The following C2CD3 variants were observed in gnomAD, a reference collection of about 807,000 sequenced individuals.
C2CD3 encodes the protein C2 domain-containing protein 3.
A neutral mutation model predicts 234.0 loss-of-function variants in C2CD3; 148 were observed. That is an observed-to-expected ratio of 0.63 (90% CI 0.55 to 0.72). The LOEUF is 0.72. C2CD3 is among the 30% of genes least tolerant of loss of function. The pLI, the probability that C2CD3 is intolerant of heterozygous loss-of-function variation, is 0.00. For synonymous variants in C2CD3, 1,000 were observed against 1,035.4 expected, an observed-to-expected ratio of 0.97 and a Z score of 0.66; for missense variants, 2,577 against 2,811.5, an observed-to-expected ratio of 0.92 and a Z score of 1.89.
At chr11:74,049,222 A>AC in intron 27 of C2CD3, 115 bp downstream of exon 27, 1 of 821,128 alleles carries the variant, frequency 1.2e-6, no homozygotes, top group Non-Finnish European at 2.0e-6. Context: ...TTGTTATGAG[A>AC]CACATATAGT....
At chr11:74,030,307 G>A (rs564609823) in intron 31 of C2CD3, among the ~76,000 whole-genome samples, 3 of 152,230 alleles carry the variant, frequency 2.0e-5, no homozygotes, top group Admixed American at 6.5e-5. Context: ...ATGGTGCCTC[G>A]ATAAATGTCA....
intron 30 of C2CD3, 127 bp downstream of exon 30, chr11:74,037,351 A>AT: frequency 1.5e-5 from 11 of 719,248 alleles, no homozygotes; most frequent in East Asian, 2.5e-5. Flanking sequence ...AAAAAAAAAA[A>AT]GGAAGAGGGT....
chr11:74,159,506 G>T (rs1168828412), intron 3 of C2CD3, among the ~76,000 whole-genome samples: 1 of 151,920 alleles, frequency 6.6e-6, no homozygotes, highest in Admixed American at 6.6e-5. Context: ...AGGCTAATGT[G>T]TGTGTTTGTG....
In C2CD3 at chr11:74,093,985, G is replaced by A. The variant is rs777014621; in HGVS notation, c.3175C>T (p.Pro1059Ser). ...EFLENGITLK[P>S]FRTATTLCVP... ...CAGAGTGTGGTTGCAGTTCTGAAGG[G>A]CTTCAGAGTAATTCCTTTGGAAAAG... is the stretch of plus-strand genomic sequence containing the variant. The change falls in exon 18 of 33, where the codon CCC (proline) becomes TCC (serine). Residue 1059 changes from proline (P) to serine (S), a missense_variant. Coordinates refer to ENST00000334126, the MANE Select transcript of C2CD3 (RefSeq NM_001286577.2). 7.4e-6 allele frequency: 12 copies of A among 1,611,924 alleles called. No individual in the cohort carries two copies. In the South Asian group the frequency reaches 1.1e-4, roughly 15 times the overall value.
At chr11:74,162,218 A>G (rs946742495) in intron 2 of C2CD3, among the ~76,000 whole-genome samples, 1 of 152,244 alleles carries the variant, frequency 6.6e-6, no homozygotes, top group African/African-American at 2.4e-5. Flanking sequence ...AAAATAAAGT[A>G]ATAAAAAGAA....
At chr11:74,080,397 T>TA (rs1184989223) in intron 22 of C2CD3, among the ~76,000 whole-genome samples, 1 of 152,168 alleles carries the variant, frequency 6.6e-6, no homozygotes, top group Non-Finnish European at 1.5e-5. Flanking sequence ...GCTTTGGCTC[T>TA]AAGATTATGT....
intron 31 of C2CD3, among the ~76,000 whole-genome samples, chr11:74,031,338 C>T (rs1236509722): frequency 1.3e-5 from 2 of 152,236 alleles, no homozygotes; most frequent in Non-Finnish European, 2.9e-5. Context: ...CCTCACCTCG[C>T]ACCATCCCCT....
rs114514763 is a variant in C2CD3, at chr11:74,035,859, C to G, written c.5882-1581G>C. ...AACATTAGGCCCCACAGCTTCAATT[C>G]TTTTTTTTTTGTTTGTTTTGAGTCA... On this transcript the variant is annotated intron_variant, in intron 30 of 32. Coordinates refer to ENST00000334126, the MANE Select transcript of C2CD3 (RefSeq NM_001286577.2). Among the ~76,000 whole-genome samples, 1,171 of 148,802 alleles carry G rather than the reference C, an allele frequency of 7.9e-3. 8 individuals are homozygous for G. The highest frequency in any genetic ancestry group is 0.026 in the African/African-American group (1,077 of 40,734).
intron 3 of C2CD3, among the ~76,000 whole-genome samples, chr11:74,151,192 G>A (rs968885259): frequency 1.3e-5 from 2 of 151,640 alleles, no homozygotes; most frequent in African/African-American, 4.8e-5. Context: ...CCAAAGTGCT[G>A]GGATTACAGG....
intron 2 of C2CD3, among the ~76,000 whole-genome samples, chr11:74,166,111 C>T (rs1264990013): frequency 6.6e-6 from 1 of 152,048 alleles, no homozygotes; most frequent in Non-Finnish European, 1.5e-5. Context: ...GAGATTGAGA[C>T]CATCCTGGCT....
At chr11:74,017,390 T>C (rs186031653) in intron 32 of C2CD3, among the ~76,000 whole-genome samples, 34 of 152,332 alleles carry the variant, frequency 2.2e-4, no homozygotes, top group Non-Finnish European at 4.1e-4. Flanking sequence ...CCTGTTCCTT[T>C]CTGAGTACCT....
Position 74,085,608 on chromosome 11 carries a change from T to A in C2CD3, c.3910+10A>T. ...TTAATTTTGATTGTGACAAGTCATATGGTGCTCACCTGACTTGGTATTTTC... is the reference window on the plus strand; with the variant it reads ...TTAATTTTGATTGTGACAAGTCATAAGGTGCTCACCTGACTTGGTATTTTC... On this transcript the variant is annotated intron_variant, in intron 21 of 32. Transcript: ENST00000334126. 1.9e-6 allele frequency: 3 copies of A among 1,613,870 alleles called. No homozygotes were observed. Among genetic ancestry groups the A allele is most frequent in the Non-Finnish European group, 2.5e-6 (3 of 1,179,800 alleles).
At chr11:74,077,457 T>C (rs1400692687) in intron 23 of C2CD3, among the ~76,000 whole-genome samples, 10 of 151,860 alleles carry the variant, frequency 6.6e-5, no homozygotes, top group Non-Finnish European at 1.5e-5. Flanking sequence ...AAACAATCTC[T>C]TTAGGGATGA....
At chr11:74,166,789 A>G (rs1856842711) in intron 2 of C2CD3, among the ~76,000 whole-genome samples, 1 of 152,206 alleles carries the variant, frequency 6.6e-6, no homozygotes, top group Non-Finnish European at 1.5e-5. Context: ...TAATATTTTT[A>G]TAAGACTTGT....
rs1433042199 is a variant in C2CD3 at position 74,103,204 on chromosome 11, A to C, written c.2507T>G (p.Leu836Arg). 1 of 1,614,244 alleles carries C rather than the reference A, an allele frequency of 6.2e-7. No homozygotes were observed. The highest frequency in any genetic ancestry group is 1.7e-5 in the Admixed American group (1 of 60,026). Reference sequence around the variant, plus strand: ...TCTGGTGACTTCCTCTGTGCTGAAGAGTTTACAATTTAAATAAACATTGCA... The same window carrying C: ...TCTGGTGACTTCCTCTGTGCTGAAGCGTTTACAATTTAAATAAACATTGCA... The part of the protein sequence containing the change: ...SPCNVYLNCK[L>R]FSTEEVTRSV... Residue 836 changes from leucine to arginine, a missense_variant, in exon 14 of 33, where the codon CTC becomes CGC. Leu to Arg is a moderately radical substitution (Grantham distance 102). Coordinates refer to ENST00000334126, the MANE Select transcript of C2CD3 (RefSeq NM_001286577.2).
At chr11:74,123,913 A>G (rs1399749597) in intron 7 of C2CD3, among the ~76,000 whole-genome samples, 1 of 151,792 alleles carries the variant, frequency 6.6e-6, no homozygotes, top group Non-Finnish European at 1.5e-5. Context: ...TAATTTTTGT[A>G]TTTTTAGAGA....
At chr11:74,113,410 G>C (rs1337545199) in intron 11 of C2CD3, 2 of 245,340 alleles carry the variant, frequency 8.2e-6, no homozygotes, top group Non-Finnish European at 1.6e-5. Context: ...TGGGCGTGAT[G>C]GCTTATGCCT....
intron 4 of C2CD3, 48 bp from the exon 5 acceptor site, chr11:74,139,015 G>A: frequency 2.0e-6 from 3 of 1,489,470 alleles, no homozygotes; most frequent in Non-Finnish European, 2.7e-6. Context: ...ATCTATTATG[G>A]TAACATTCTA....
chr11:74,038,057 A>C (rs924776912), intron 29 of C2CD3, among the ~76,000 whole-genome samples: 1 of 152,158 alleles, frequency 6.6e-6, no homozygotes, highest in African/African-American at 2.4e-5. Context: ...GTCCTTTGCT[A>C]CCTCATAACC....
Sources: allele counts gnomAD v4.1 joint callset (sites outside exome capture counted in the v4.1 genomes callset), GRCh38; gene constraint gnomAD v4.1.1; transcripts MANE v1.5; gene names NCBI Gene and HGNC (gene_info 2026-07-23, HGNC 2026-07-21).